DYNC2H1: variants seen among roughly 807,000 people sequenced by gnomAD.
DYNC2H1 encodes the protein cytoplasmic dynein 2 heavy chain 1.
DYNC2H1 carries 410 observed loss-of-function variants against 570.0 expected under a neutral mutation model. The ratio of observed to expected loss-of-function variants is 0.72; its 90% CI spans 0.66 to 0.78. The LOEUF (loss-of-function observed/expected upper bound fraction) is 0.78. Among genes scored for constraint, DYNC2H1 ranks in the 30% least tolerant of loss-of-function variants. DYNC2H1 has a pLI of 0.00. For missense variants in DYNC2H1, 4,865 were observed against 5,046.4 expected (o/e 0.96, Z 1.09); for synonymous variants, 1,688 against 1,677.6 (o/e 1.01, Z -0.15).
At position 103,255,509 on chromosome 11, in the gene DYNC2H1, C is replaced by T; in HGVS notation, c.10301C>T (p.Ala3434Val). 2 of 1,557,456 alleles carry T rather than the reference C, an allele frequency of 1.3e-6. No individual in the cohort carries two copies. Among genetic ancestry groups the T allele is most frequent in the Non-Finnish European group, 1.7e-6 (2 of 1,150,028 alleles). Residue 3434 changes from alanine (A) to valine (V), a missense_variant, in exon 67 of 89, where the codon GCC (alanine) becomes GTC (valine). Ala to Val is a moderately conservative substitution (Grantham distance 64). Transcript: ENST00000375735. ...GAAGAAGATAAGAAAATACAGCTAG[C>T]CAAGCTCGAAGAATCTCTTCTAGAG... The part of the protein sequence containing the change: ...QQEEDKKIQL[A>V]KLEESLLETL...
chr11:103,190,192 T>C (rs894746057), intron 45 of DYNC2H1, among the ~76,000 whole-genome samples: 2 of 152,226 alleles, frequency 1.3e-5, no homozygotes, highest in Admixed American at 6.5e-5. Context: ...TTTCTTTCTT[T>C]CTTCCTGACT....
chr11:103,207,654 G>A (rs560298679), intron 52 of DYNC2H1, among the ~76,000 whole-genome samples: 34 of 152,188 alleles, frequency 2.2e-4, no homozygotes, highest in African/African-American at 7.7e-4. Flanking sequence ...AGTGAAAGAG[G>A]GAAAGGATTA....
Position 103,189,834 on chromosome 11 carries a change from T to C in DYNC2H1, c.7437+18T>C, listed in dbSNP as rs1254318489. The C allele has an allele frequency of 2.5e-6, 4 of 1,576,876 alleles. No individual in the cohort carries two copies. The highest frequency in any genetic ancestry group is 3.4e-6 in the Non-Finnish European group (4 of 1,165,668). On this transcript the variant is annotated intron_variant, in intron 45 of 88. Coordinates refer to ENST00000375735, the MANE Select transcript of DYNC2H1 (RefSeq NM_001377.3). The surrounding 1 kb of genome is among the most constrained non-coding windows in gnomAD (Gnocchi z 4.3). ...ATGAACAGGTAGATATGCATCTAAA[T>C]TGTAGCTTTCATGTCTATTAGTATC...
chr11:103,272,944 ACT>A (rs1865767577), intron 70 of DYNC2H1, among the ~76,000 whole-genome samples: 1 of 152,052 alleles, frequency 6.6e-6, no homozygotes, highest in Non-Finnish European at 1.5e-5. Context: ...TTTAAACAAA[ACT>A]CAAGTATATT....
chr11:103,382,587 T>G (rs1941698641), intron 83 of DYNC2H1, among the ~76,000 whole-genome samples: 2 of 152,226 alleles, frequency 1.3e-5, no homozygotes, highest in Admixed American at 1.3e-4. Flanking sequence ...TTCAAAACTT[T>G]GTGGTACGAT....
chr11:103,467,833 AGCCGG>A (rs2135846520), intron 87 of DYNC2H1, among the ~76,000 whole-genome samples: 1 of 152,238 alleles, frequency 6.6e-6, no homozygotes, highest in East Asian at 1.9e-4. Context: ...CACCGCGCCC[AGCCGG>A]CACTGTACAC....
rs1861804737 is a variant in DYNC2H1, at chr11:103,176,268, G to A, written c.5708G>A (p.Arg1903Lys). 6.5e-7 allele frequency: 1 copy of A among 1,539,952 alleles called. No individual in the cohort carries two copies. The highest frequency in any genetic ancestry group is 8.8e-7 in the Non-Finnish European group (1 of 1,142,364). Residue 1903 changes from arginine (R) to lysine (K), a missense_variant, in exon 37 of 89, where the codon AGG (arginine) becomes AAG (lysine). Arg to Lys is a conservative substitution (Grantham distance 26). Transcript: ENST00000375735. ...AGTCATATTGTGGTACAAGCACTGA[G>A]GCTTAATACCATGTCAAAGTTTACG... Reference protein sequence around the residue: ...NESHIVVQALRLNTMSKFTFT... With the variant: ...NESHIVVQALKLNTMSKFTFT...
chr11:103,135,485 A>G lies in DYNC2H1; in HGVS notation c.2206-10A>G, dbSNP rs780893372. The G allele has an allele frequency of 6.7e-7, 1 of 1,499,248 alleles. No homozygotes were observed. Among genetic ancestry groups the G allele is most frequent in the Admixed American group, 2.4e-5 (1 of 41,994 alleles). 92.9% of individuals were successfully genotyped at this position (1,499,248 alleles called of 1,614,324 possible). A position where few individuals can be genotyped will look rare whatever the true frequency, so the allele number is the denominator to read the frequency against. On this transcript the variant is annotated splice_polypyrimidine_tract_variant and intron_variant, in intron 15 of 88. Transcript: ENST00000375735. ...ATTTTTAAATTAAAAATGTGAATGT[A>G]ACATATTAGGGATTCCAAGCAAGTG...
chr11:103,425,059 C>T (rs879848108), intron 84 of DYNC2H1, among the ~76,000 whole-genome samples: 9 of 152,096 alleles, frequency 5.9e-5, no homozygotes, highest in Admixed American at 5.2e-4. Context: ...CCTCAGCCTC[C>T]TGAGTAGCTA....
intron 83 of DYNC2H1, among the ~76,000 whole-genome samples, chr11:103,378,306 T>G (rs534107712): frequency 6.6e-6 from 1 of 152,358 alleles, no homozygotes; most frequent in African/African-American, 2.4e-5. Flanking sequence ...CATTTTCTTG[T>G]GATAATTTAT....
At chr11:103,383,089 A>C (rs12269803) in intron 83 of DYNC2H1, among the ~76,000 whole-genome samples, 5,358 of 152,200 alleles carry the variant, frequency 0.035, 310 homozygotes, top group African/African-American at 0.12. Context: ...TGCTCTTCAG[A>C]AGTACTGATG....
intron 83 of DYNC2H1, among the ~76,000 whole-genome samples, chr11:103,389,350 C>T (rs185843028): frequency 6.6e-6 from 1 of 152,170 alleles, no homozygotes. Context: ...TGGTGATACC[C>T]CCTTTAACAT....
chr11:103,190,196 CCTGA>C (rs1189553857), intron 45 of DYNC2H1, among the ~76,000 whole-genome samples: 2 of 152,122 alleles, frequency 1.3e-5, no homozygotes, highest in East Asian at 3.9e-4. Flanking sequence ...TTTCTTTCTT[CCTGA>C]CTGTGAGGAA....
intron 70 of DYNC2H1, among the ~76,000 whole-genome samples, chr11:103,274,915 C>T (rs11225645): frequency 0.11 from 16,369 of 151,618 alleles, 1,031 homozygotes; most frequent in East Asian, 0.21. Flanking sequence ...GTCAACATGG[C>T]GAAACCCCGT....
chr11:103,188,558 A>T lies in DYNC2H1; in HGVS notation c.7202A>T (p.Gln2401Leu). The T allele has an allele frequency of 6.2e-7, 1 of 1,610,928 alleles. No homozygotes were observed. Among genetic ancestry groups the T allele is most frequent in the Non-Finnish European group, 8.5e-7 (1 of 1,178,038 alleles). The change falls in exon 44 of 89, where the codon CAA becomes CTA. Residue 2401 changes from glutamine to leucine, a missense_variant. Transcript: ENST00000375735. ...GAATGGGTTGGTCTAGAAAATATTCAAATTGTGGCTTCTATGTCAGCTGGA... is the reference window on the plus strand; with the variant it reads ...GAATGGGTTGGTCTAGAAAATATTCTAATTGTGGCTTCTATGTCAGCTGGA... ...NLEWVGLENI[Q>L]IVASMSAGGR...
chr11:103,241,444 A>G lies in DYNC2H1; in HGVS notation c.9820-2249A>G. ...ATAAGATGACAACAAACTTTTAAGT[A>G]CCCTTTGAAAAACTTAAGCATGTTT... On this transcript the variant is annotated intron_variant, in intron 63 of 88. Transcript: ENST00000375735. The surrounding 1 kb of genome is among the most constrained non-coding windows in gnomAD (Gnocchi z 5.1). 6.5e-6 allele frequency: 8 copies of G among 1,239,526 alleles called. No individual in the cohort carries two copies. The South Asian group carries it at 7.9e-5, about 12-fold the overall frequency. The allele number at this position is 1,239,526 out of a possible 1,614,324, so 76.8% of individuals were successfully genotyped here.
intron 70 of DYNC2H1, among the ~76,000 whole-genome samples, chr11:103,260,685 T>G (rs1183206888): frequency 6.7e-6 from 1 of 149,564 alleles, no homozygotes; most frequent in African/African-American, 2.5e-5. Flanking sequence ...AGTGGCGAAG[T>G]CTTGGCTCAC....
chr11:103,353,472 T>C (rs1239701292), intron 82 of DYNC2H1, among the ~76,000 whole-genome samples: 1 of 152,208 alleles, frequency 6.6e-6, no homozygotes, highest in Non-Finnish European at 1.5e-5. Context: ...TATTTCTCTG[T>C]ATCTTCTGGT....
At position 103,243,717 on chromosome 11, in the gene DYNC2H1, G is replaced by A. The variant is rs780600124; in HGVS notation, c.9844G>A (p.Asp3282Asn). Residue 3282 changes from aspartate (D) to asparagine (N), a missense_variant, in exon 64 of 89, where the codon GAT becomes AAT. By Grantham distance (23) the Asp-to-Asn change is conservative. Around this residue, in one of 5 missense-constraint regions of DYNC2H1, gnomAD observed 2,401 missense variants for 2,454.6 expected, o/e 0.98. Coordinates refer to ENST00000375735, the MANE Select transcript of DYNC2H1 (RefSeq NM_001377.3). This position sits in a 1 kb window ranked among gnomAD's most constrained non-coding sequence, Gnocchi z 4.8. ...GAGTCGAGTGTGCCCATTTCTTATA[G>A]ATCCTTCTTCCCAAGCTACAGAGTG... ...LQSRVCPFLI[D>N]PSSQATEWLK... is the part of the protein sequence containing the mutation. 4 of 1,604,952 alleles carry A rather than the reference G, an allele frequency of 2.5e-6. No individual in the cohort carries two copies. Among genetic ancestry groups the A allele is most frequent in the Non-Finnish European group, 3.4e-6 (4 of 1,175,250 alleles).
Sources: allele counts gnomAD v4.1 joint callset (sites outside exome capture counted in the v4.1 genomes callset), GRCh38; gene constraint gnomAD v4.1.1; regional missense constraint gnomAD v4.1.1; non-coding constraint Gnocchi (gnomAD v3.1); transcripts MANE v1.5; gene names NCBI Gene and HGNC (gene_info 2026-07-23, HGNC 2026-07-21).